Variants in RGS5 observed in about 807,000 individuals in gnomAD.
The protein encoded by RGS5 is regulator of G-protein signalling 5.
Under a neutral mutation model 18.9 loss-of-function variants are expected in RGS5, and 20 were observed. That is an observed-to-expected ratio of 1.06 (90% CI 0.74 to 1.54). The LOEUF (loss-of-function observed/expected upper bound fraction) is 1.54. Among genes scored for constraint, RGS5 ranks in the 40% most tolerant of loss-of-function variants. The probability of loss-of-function intolerance (pLI) is 0.00; values close to 1 mark genes in which losing one functional copy is unlikely to be tolerated. For synonymous variants in RGS5, 57 were observed against 76.2 expected (o/e 0.75, Z 1.31); for missense variants, 201 against 211.8 (o/e 0.95, Z 0.32).
At chr1:163,247,925 T>C (rs549553030) in intron 2 of RGS5, among the ~76,000 whole-genome samples, 98 of 152,326 alleles carry the variant, frequency 6.4e-4, no homozygotes, top group African/African-American at 2.3e-3. Context: ...TCTTAGTTTT[T>C]CCTACTCCAA....
chr1:163,280,760 T>TA (rs969283953), intron 2 of RGS5, among the ~76,000 whole-genome samples: 9 of 151,624 alleles, frequency 5.9e-5, no homozygotes, highest in South Asian at 2.1e-4. Flanking sequence ...TTCACAAAAA[T>TA]AAAAAAAATC....
intron 2 of RGS5, among the ~76,000 whole-genome samples, chr1:163,232,847 A>G (rs569735795): frequency 5.3e-5 from 8 of 152,364 alleles, no homozygotes; most frequent in South Asian, 2.1e-4. Context: ...AGTATGAAGT[A>G]CAGCATAGAC....
At chr1:163,155,819 C>T (rs1167409256) in intron 3 of RGS5, among the ~76,000 whole-genome samples, 2 of 152,106 alleles carry the variant, frequency 1.3e-5, no homozygotes, top group Non-Finnish European at 2.9e-5. Flanking sequence ...CGGAGTACCT[C>T]TCAACCCACC....
chr1:163,233,173 T>G (rs943056155), intron 2 of RGS5, among the ~76,000 whole-genome samples: 1 of 152,234 alleles, frequency 6.6e-6, no homozygotes, highest in South Asian at 2.1e-4. Context: ...ACAGGAGCAC[T>G]ACTTGAGTGA....
chr1:163,228,433 GTGGC>G (rs1647389725), intron 2 of RGS5, among the ~76,000 whole-genome samples: 1 of 152,220 alleles, frequency 6.6e-6, no homozygotes, highest in South Asian at 2.1e-4. Context: ...TATGGTTGGA[GTGGC>G]TGGGATGCAG....
At chr1:163,166,276 A>G (rs922630376) in intron 2 of RGS5, among the ~76,000 whole-genome samples, 4 of 151,808 alleles carry the variant, frequency 2.6e-5, no homozygotes, top group Admixed American at 1.3e-4. Context: ...GTTTTTCTCA[A>G]TGGTCCATTT....
intron 2 of RGS5, among the ~76,000 whole-genome samples, chr1:163,231,451 C>G (rs1382798247): frequency 6.6e-6 from 1 of 152,100 alleles, no homozygotes; most frequent in Non-Finnish European, 1.5e-5. Context: ...CAGGAGTAAC[C>G]CAGGAGAACC....
intron 2 of RGS5, among the ~76,000 whole-genome samples, chr1:163,264,020 T>C (rs761834851): frequency 6.6e-6 from 1 of 152,020 alleles, no homozygotes; most frequent in East Asian, 1.9e-4. Flanking sequence ...GATGTATGTA[T>C]GTAAGCCTTT....
intron 2 of RGS5, among the ~76,000 whole-genome samples, chr1:163,295,603 T>C (rs531536799): frequency 6.6e-6 from 1 of 152,294 alleles, no homozygotes; most frequent in Non-Finnish European, 1.5e-5. Flanking sequence ...CCCAGATGAG[T>C]ACATGCAAAT....
intron 2 of RGS5, among the ~76,000 whole-genome samples, chr1:163,280,182 C>G (rs1313845752): frequency 7.6e-6 from 1 of 131,754 alleles, no homozygotes; most frequent in Non-Finnish European, 1.7e-5. Flanking sequence ...ATCCTAATAC[C>G]AAAACCAGAC....
At chr1:163,303,266 T>C (rs1471420217) in intron 2 of RGS5, among the ~76,000 whole-genome samples, 2 of 152,204 alleles carry the variant, frequency 1.3e-5, no homozygotes, top group Admixed American at 6.5e-5. Context: ...CAAACTCTTA[T>C]CAAGTAGTTT....
In RGS5 at chr1:163,152,545, C is replaced by G; in HGVS notation, c.384+5G>C. 1 of 1,608,186 alleles carries G rather than the reference C, an allele frequency of 6.2e-7. No individual in the cohort carries two copies. ...CTTAACTGACCCACCTACCCAGAGA[C>G]CAACCTCTTTAGGAGCCTCCGTTTG... On this transcript the variant is annotated splice_donor_5th_base_variant and intron_variant, in intron 4 of 4. Transcript: ENST00000313961.
chr1:163,307,248 C>A (rs1649727236), intron 1 of RGS5, among the ~76,000 whole-genome samples: 2 of 152,102 alleles, frequency 1.3e-5, no homozygotes, highest in African/African-American at 4.8e-5. Context: ...ATGACAATGT[C>A]AAGTAAAAAT....
chr1:163,158,614 G>A (rs1453605771), intron 3 of RGS5, among the ~76,000 whole-genome samples: 3 of 152,060 alleles, frequency 2.0e-5, no homozygotes, highest in African/African-American at 7.2e-5. Context: ...TTTCAAAAGG[G>A]GAAGGAGTGT....
At chr1:163,316,850 T>A (rs12727126) in intron 1 of RGS5, among the ~76,000 whole-genome samples, 52,937 of 151,982 alleles carry the variant, frequency 0.35, 9,822 homozygotes, top group Non-Finnish European at 0.42. Context: ...CTACTATTAC[T>A]TTGTTAGACG....
intron 2 of RGS5, among the ~76,000 whole-genome samples, chr1:163,245,420 A>AT (rs1647902291): frequency 6.6e-6 from 1 of 152,120 alleles, no homozygotes; most frequent in African/African-American, 2.4e-5. Context: ...ACCTATCTAT[A>AT]TTTTTTCTTT....
intron 2 of RGS5, among the ~76,000 whole-genome samples, chr1:163,266,236 CCT>C (rs1256300722): frequency 6.6e-6 from 1 of 152,086 alleles, no homozygotes; most frequent in African/African-American, 2.4e-5. Flanking sequence ...CCACTTATCC[CCT>C]CTCACATTCA....
At chr1:163,169,322 T>C (rs1658198579) in intron 1 of RGS5, among the ~76,000 whole-genome samples, 1 of 152,150 alleles carries the variant, frequency 6.6e-6, no homozygotes, top group South Asian at 2.1e-4. Context: ...ACAATAAACA[T>C]ATGTGTGCAT....
At chr1:163,168,598 C>G (rs995197798) in intron 1 of RGS5, among the ~76,000 whole-genome samples, 1 of 152,008 alleles carries the variant, frequency 6.6e-6, no homozygotes, top group Admixed American at 6.6e-5. Flanking sequence ...CATTTTAATC[C>G]TCATTATTGT....
Sources: gnomAD v4.1 joint callset for allele counts (sites outside exome capture counted in the v4.1 genomes callset) on GRCh38, gnomAD v4.1.1 for gene constraint, MANE v1.5 for transcripts, NCBI Gene and HGNC (gene_info 2026-07-23, HGNC 2026-07-21) for gene names.